CRK: variants seen among roughly 807,000 people sequenced by gnomAD.
CRK encodes adapter molecule crk.
A neutral mutation model predicts 29.8 loss-of-function variants in CRK; 4 were observed. That is an observed-to-expected ratio of 0.13 (90% CI 0.07 to 0.31). CRK has a LOEUF of 0.31. Ranked by LOEUF, CRK falls within the 10% of genes least tolerant of loss-of-function variation. The pLI is 1.00. For synonymous variants in CRK, 153 were observed against 164.9 expected (o/e 0.93, Z 0.55); for missense variants, 274 against 396.5 (o/e 0.69, Z 2.62).
intron 1 of CRK, among the ~76,000 whole-genome samples, chr17:1,451,553 C>G (rs998914038): frequency 2.6e-5 from 4 of 151,972 alleles, no homozygotes; most frequent in Non-Finnish European, 4.4e-5. Context: ...TTCTTTAATT[C>G]TGGTCTTTAA....
At chr17:1,448,388 G>A (rs2073991107) in intron 1 of CRK, among the ~76,000 whole-genome samples, 1 of 152,000 alleles carries the variant, frequency 6.6e-6, no homozygotes, top group Non-Finnish European at 1.5e-5. Context: ...ACTTTGGGTG[G>A]CAGAGCCAGG....
intron 2 of CRK, among the ~76,000 whole-genome samples, chr17:1,431,131 A>G (rs2073841531): frequency 6.6e-6 from 1 of 152,108 alleles, no homozygotes. Flanking sequence ...TTCTCCTGAA[A>G]CGTTTAGAGC....
Position 1,456,204 on chromosome 17 carries a change from G to C in CRK, c.-87C>G, listed in dbSNP as rs996650525. On this transcript the variant is annotated 5_prime_UTR_variant, in exon 1 of 3. Transcript: ENST00000300574. ...GCCCGCCGCCCAGCGGACCGGCTCC[G>C]GTTTCAGCTTCACAGCAGCGCCCGA... The C allele has an allele frequency of 6.7e-6, 9 of 1,341,452 alleles. No individual in the cohort carries two copies. In the East Asian group the frequency reaches 2.5e-4, roughly 38 times the overall value. The allele number at this position is 1,341,452 out of a possible 1,614,324, so 83.1% of individuals were successfully genotyped here.
chr17:1,448,203 A>T (rs1292899432), intron 1 of CRK, among the ~76,000 whole-genome samples: 1 of 152,076 alleles, frequency 6.6e-6, no homozygotes, highest in Non-Finnish European at 1.5e-5. Flanking sequence ...GGGTATGAGG[A>T]CGGTCCTTTG....
In CRK at chr17:1,436,935, C is replaced by T. The variant is rs753548794; in HGVS notation, c.462G>A (p.Lys154=). 7 of 1,614,074 alleles carry T rather than the reference C, an allele frequency of 4.3e-6. No individual in the cohort carries two copies. In the Admixed American group the frequency reaches 1.2e-4, roughly 27 times the overall value. Residue 154 remains lysine (K), a synonymous_variant, in exon 2 of 3, where the codon AAG becomes AAA. Transcript: ENST00000300574. The stretch of plus-strand genomic sequence containing the variant: ...CCCGGATTCTCAAGATGTCTCCTTT[C>T]TTAAAGGGAAGATCTTCCTCATCAT... ...NGNDEEDLPF[K]KGDILRIRDK...
rs2073727712 is a variant in CRK, at chr17:1,421,827, A to G, written c.*1686T>C. 3.3e-5 allele frequency: 5 copies of G among 152,214 alleles called. No homozygotes were observed. 9.4% of individuals were successfully genotyped at this position (152,214 alleles called of 1,614,324 possible). On this transcript the variant is annotated 3_prime_UTR_variant, in exon 3 of 3. Transcript: ENST00000300574. ...AAAGGCAGATTATTTTTCCAAAATG[A>G]GGTCCAAAGCAAACTATAAGGTGTT...
chr17:1,451,401 T>G (rs1323137793), intron 1 of CRK, among the ~76,000 whole-genome samples: 1 of 151,618 alleles, frequency 6.6e-6, no homozygotes, highest in African/African-American at 2.4e-5. Flanking sequence ...CAGCTAATTT[T>G]TGTATTTTTT....
chr17:1,432,980 G>A, intron 2 of CRK, among the ~76,000 whole-genome samples: 1 of 152,110 alleles, frequency 6.6e-6, no homozygotes, highest in East Asian at 1.9e-4. Context: ...CTGTATCATG[G>A]AGTCATTCAT....
intron 1 of CRK, among the ~76,000 whole-genome samples, chr17:1,443,110 C>T (rs1489205208): frequency 6.6e-6 from 1 of 151,466 alleles, no homozygotes; most frequent in Non-Finnish European, 1.5e-5. Context: ...TCCCAAGTAA[C>T]TGAGATTACA....
At chr17:1,450,602 G>C (rs918540477) in intron 1 of CRK, among the ~76,000 whole-genome samples, 2 of 151,980 alleles carry the variant, frequency 1.3e-5, no homozygotes, top group South Asian at 2.1e-4. Context: ...TACTCTGTAG[G>C]CTAGATGCGA....
chr17:1,456,149 G>C lies in CRK; in HGVS notation c.-32C>G. ...CTCCGCGCCTAAACGCTGGGGTGCC[G>C]CCGCCGCGCGCGCCCCTCCGGCCCC... On this transcript the variant is annotated 5_prime_UTR_variant, in exon 1 of 3. Coordinates refer to ENST00000300574, the MANE Select transcript of CRK (RefSeq NM_016823.4). The C allele has an allele frequency of 6.9e-7, 1 of 1,450,260 alleles. No homozygotes were observed. The highest frequency in any genetic ancestry group is 1.4e-5 in the South Asian group (1 of 71,104). The allele number at this position is 1,450,260 out of a possible 1,614,324, so 89.8% of individuals were successfully genotyped here. A position where few individuals can be genotyped will look rare whatever the true frequency, so the allele number is the denominator to read the frequency against.
intron 1 of CRK, among the ~76,000 whole-genome samples, chr17:1,444,536 TAAAA>T (rs1326024925): frequency 8.5e-6 from 1 of 117,942 alleles, no homozygotes; most frequent in African/African-American, 3.1e-5. Context: ...ATTAAAAAAA[TAAAA>T]AAAGCTGGGC....
intron 2 of CRK, among the ~76,000 whole-genome samples, chr17:1,423,926 A>G (rs1043035620): frequency 6.6e-6 from 1 of 152,332 alleles, no homozygotes; most frequent in Admixed American, 6.5e-5. Context: ...AAGGAAAGTG[A>G]TAATTATTGG....
chr17:1,425,402 CTTTTGT>C (rs1460601960), intron 2 of CRK, among the ~76,000 whole-genome samples: 1 of 151,946 alleles, frequency 6.6e-6, no homozygotes, highest in Non-Finnish European at 1.5e-5. Context: ...ATCTTTTTAT[CTTTTGT>C]TTTTGAGACA....
chr17:1,444,149 G>A (rs1277301053), intron 1 of CRK, among the ~76,000 whole-genome samples: 1 of 151,994 alleles, frequency 6.6e-6, no homozygotes, highest in African/African-American at 2.4e-5. Context: ...AATTTTGAGA[G>A]CAGGTTTTTG....
chr17:1,445,422 G>A (rs886502391), intron 1 of CRK, among the ~76,000 whole-genome samples: 10 of 152,138 alleles, frequency 6.6e-5, no homozygotes, highest in African/African-American at 1.7e-4. Context: ...AAAGGGGTGC[G>A]AGTGCCAGGA....
chr17:1,436,287 C>T lies in CRK; in HGVS notation c.777+333G>A, dbSNP rs75879251. Among the ~76,000 whole-genome samples, 8 of 152,152 alleles carry T rather than the reference C, an allele frequency of 5.3e-5. 1 individual carries two copies. Among genetic ancestry groups the T allele is most frequent in the East Asian group, 3.9e-4 (2 of 5,176 alleles). On this transcript the variant is annotated intron_variant, in intron 2 of 2. Coordinates refer to ENST00000300574, the MANE Select transcript of CRK (RefSeq NM_016823.4). ...TCTGAACCCACCTTCTTTTAGACAA[C>T]GACAAACAGAAAGCAAGAAACAGAT...
At chr17:1,428,443 G>T (rs2150900514) in intron 2 of CRK, among the ~76,000 whole-genome samples, 2 of 150,644 alleles carry the variant, frequency 1.3e-5, no homozygotes, top group Middle Eastern at 6.8e-3. Context: ...AGGGATAAAT[G>T]AGTAGGGATT....
At chr17:1,434,244 G>GC (rs1171439295) in intron 2 of CRK, among the ~76,000 whole-genome samples, 1 of 152,106 alleles carries the variant, frequency 6.6e-6, no homozygotes, top group East Asian at 1.9e-4. Context: ...CAATTCACCT[G>GC]CATCAGAGAT....
Sources: allele counts gnomAD v4.1 joint callset (sites outside exome capture counted in the v4.1 genomes callset), GRCh38; gene constraint gnomAD v4.1.1; transcripts MANE v1.5; gene names NCBI Gene and HGNC (gene_info 2026-07-23, HGNC 2026-07-21).